Variants in OTUD7B observed in about 807,000 individuals in gnomAD.
OTUD7B encodes the protein OTU domain-containing protein 7B.
Under a neutral mutation model 82.2 loss-of-function variants are expected in OTUD7B, and 34 were observed. That is an observed-to-expected ratio of 0.41 (90% CI 0.31 to 0.55). The LOEUF (loss-of-function observed/expected upper bound fraction) is 0.55. Ranked by LOEUF, OTUD7B falls within the 20% of genes least tolerant of loss-of-function variation. The pLI is 0.20. For synonymous variants in OTUD7B, 398 were observed against 402.7 expected (o/e 0.99, Z 0.14); for missense variants, 944 against 1,062.1 (o/e 0.89, Z 1.55).
the OTUD7B span, among the ~76,000 whole-genome samples, chr1:150,021,179 T>C: frequency 6.6e-6 from 1 of 152,244 alleles, no homozygotes; most frequent in Admixed American, 6.5e-5. Context: ...AGTCAGATTT[T>C]TCCCCCTTCG....
At chr1:150,058,120 C>T in the OTUD7B span, among the ~76,000 whole-genome samples, 1 of 152,192 alleles carries the variant, frequency 6.6e-6, no homozygotes, top group Non-Finnish European at 1.5e-5. Flanking sequence ...TACTCAATCT[C>T]CTTGTATTCG....
intron 1 of OTUD7B, among the ~76,000 whole-genome samples, chr1:149,982,170 AAATAT>A (rs199953535): frequency 0.021 from 3,104 of 148,808 alleles, 87 homozygotes; most frequent in African/African-American, 0.072. Context: ...ATAAATAAAT[AAATAT>A]AAAAAATAAA....
At chr1:149,960,681 C>G (rs757169487) in intron 6 of OTUD7B, among the ~76,000 whole-genome samples, 9 of 151,712 alleles carry the variant, frequency 5.9e-5, no homozygotes, top group Non-Finnish European at 1.3e-4. Flanking sequence ...TGCACTCAGC[C>G]TAGACTTCTT....
intron 7 of OTUD7B, among the ~76,000 whole-genome samples, chr1:149,956,233 G>A (rs1317265025): frequency 6.6e-6 from 1 of 152,134 alleles, no homozygotes; most frequent in Non-Finnish European, 1.5e-5. Context: ...AGGCCTGGTG[G>A]TGACAAAATC....
the OTUD7B span, among the ~76,000 whole-genome samples, chr1:150,058,488 T>C: frequency 6.6e-6 from 1 of 152,196 alleles, no homozygotes; most frequent in African/African-American, 2.4e-5. Flanking sequence ...CACTCCAGCC[T>C]GGGTGACAGG....
the OTUD7B span, chr1:150,054,627 G>A: frequency 2.8e-6 from 1 of 357,246 alleles, no homozygotes; most frequent in African/African-American, 2.2e-5. Context: ...GGCCAACATG[G>A]TGAAATCCTG....
intron 2 of OTUD7B, among the ~76,000 whole-genome samples, chr1:149,973,310 G>A (rs1553777955): frequency 6.6e-6 from 1 of 152,142 alleles, no homozygotes; most frequent in Admixed American, 6.5e-5. Context: ...CGTGGTCCTA[G>A]CTACTCAGGA....
At chr1:150,067,257 G>A in the OTUD7B span, 1 of 152,332 alleles carries the variant, frequency 6.6e-6, no homozygotes, top group Non-Finnish European at 1.5e-5. Flanking sequence ...TCAACACAGG[G>A]GCACTGTTCC....
intron 1 of OTUD7B, among the ~76,000 whole-genome samples, chr1:149,979,062 C>G (rs1204109967): frequency 6.7e-6 from 1 of 149,444 alleles, no homozygotes; most frequent in Non-Finnish European, 1.5e-5. Flanking sequence ...AAATTTTTCT[C>G]TCTTGTCCTG....
the OTUD7B span, among the ~76,000 whole-genome samples, chr1:150,041,766 T>G: frequency 6.6e-6 from 1 of 152,162 alleles, no homozygotes; most frequent in Admixed American, 6.5e-5. Context: ...CCTTTTATTG[T>G]TTGTTTTTTA....
At chr1:150,007,864 G>GATC (rs1306374649) in intron 1 of OTUD7B, among the ~76,000 whole-genome samples, 4 of 152,196 alleles carry the variant, frequency 2.6e-5, no homozygotes, top group African/African-American at 4.8e-5. Flanking sequence ...AGTTCCCATA[G>GATC]GAAAGATACT....
intron 2 of OTUD7B, 115 bp downstream of exon 2, chr1:149,977,311 T>C (rs1650390382): frequency 4.1e-6 from 3 of 740,718 alleles, no homozygotes; most frequent in Admixed American, 2.0e-5. Flanking sequence ...GAATTAACTA[T>C]AGGGCCTAAC....
At chr1:150,042,790 C>T in the OTUD7B span, among the ~76,000 whole-genome samples, 1 of 152,190 alleles carries the variant, frequency 6.6e-6, no homozygotes, top group South Asian at 2.1e-4. Flanking sequence ...CAGAATGTAT[C>T]TCTGAATACA....
At chr1:149,952,781 T>G (rs1241524944) in intron 7 of OTUD7B, among the ~76,000 whole-genome samples, 1 of 152,226 alleles carries the variant, frequency 6.6e-6, no homozygotes, top group Non-Finnish European at 1.5e-5. Context: ...TGATTTTGAT[T>G]TGCATTTCTC....
chr1:149,964,297 T>C lies in OTUD7B; in HGVS notation c.657A>G (p.Ala219=). 3 of 1,614,112 alleles carry C rather than the reference T, an allele frequency of 1.9e-6. No homozygotes were observed. The East Asian group carries it at 6.7e-5, about 36-fold the overall frequency. ...CCTTCTCAACTCCCTTCTCCATCAG[T>C]GCATACAAAGCTTTCCGCAGCATCA... ...RDLMLRKALY[A]LMEKGVEKEA... is the part of the protein sequence containing the mutation. Residue 219 remains alanine (A), a synonymous_variant, in exon 6 of 12, where the codon GCA becomes GCG. Transcript: ENST00000581312.
the OTUD7B span, among the ~76,000 whole-genome samples, chr1:150,015,739 GC>G: frequency 0.076 from 11,487 of 152,100 alleles, 526 homozygotes; most frequent in Non-Finnish European, 0.1. Context: ...CAAGTAACCA[GC>G]CTGCTGTACA....
the OTUD7B span, among the ~76,000 whole-genome samples, chr1:150,059,956 A>G: frequency 6.6e-6 from 1 of 152,198 alleles, no homozygotes; most frequent in East Asian, 1.9e-4. Context: ...AACAAAAAAA[A>G]CCAGCAGTCT....
At chr1:150,016,452 CTTTTTTTTTTT>C in the OTUD7B span, among the ~76,000 whole-genome samples, 8 of 106,608 alleles carry the variant, frequency 7.5e-5, no homozygotes, top group Admixed American at 7.0e-4. Context: ...TTTTCTTTTT[CTTTTTTTTTTT>C]TTTTTTTTGA....
chr1:150,035,814 T>C, the OTUD7B span, among the ~76,000 whole-genome samples: 3 of 152,220 alleles, frequency 2.0e-5, no homozygotes, highest in African/African-American at 7.2e-5. Flanking sequence ...ATTGGGACCC[T>C]AGTTGCTTTG....
Sources: gnomAD v4.1 joint callset for allele counts (sites outside exome capture counted in the v4.1 genomes callset) on GRCh38, gnomAD v4.1.1 for gene constraint, MANE v1.5 for transcripts, NCBI Gene and HGNC (gene_info 2026-07-23, HGNC 2026-07-21) for gene names.